The following ZNF423 variants were observed in gnomAD, a reference collection of about 807,000 sequenced individuals.
The protein encoded by ZNF423 is Ebf-associated zinc finger protein.
A neutral mutation model predicts 95.8 loss-of-function variants in ZNF423; 12 were observed. The ratio of observed to expected loss-of-function variants is 0.13; its 90% confidence interval spans 0.08 to 0.20. The LOEUF is 0.20. Among genes scored for constraint, ZNF423 ranks in the 10% least tolerant of loss-of-function variants. The pLI is 1.00. For synonymous variants in ZNF423, 749 were observed against 711.9 expected, an observed-to-expected ratio of 1.05 and a Z score of -0.83; for missense variants, 1,316 against 1,737.1, an observed-to-expected ratio of 0.76 and a Z score of 4.31.
chr16:49,729,220 ATAACT>A (rs375945955), intron 3 of ZNF423, among the ~76,000 whole-genome samples: 5 of 152,250 alleles, frequency 3.3e-5, no homozygotes, highest in Admixed American at 2.6e-4. Context: ...AATAAAGAGA[ATAACT>A]TTTCATTAGA....
At chr16:49,495,306 C>T (rs1188157809) in intron 7 of ZNF423, among the ~76,000 whole-genome samples, 1 of 152,150 alleles carries the variant, frequency 6.6e-6, no homozygotes, top group African/African-American at 2.4e-5. Flanking sequence ...CACACGGGGC[C>T]AGGGACACAA....
At chr16:49,531,250 T>A (rs1968833852) in intron 5 of ZNF423, among the ~76,000 whole-genome samples, 1 of 151,050 alleles carries the variant, frequency 6.6e-6, no homozygotes, top group African/African-American at 2.4e-5. Context: ...CAGACTGACA[T>A]TCCACAGCAC....
At chr16:49,657,552 A>C (rs1338604935) in intron 3 of ZNF423, among the ~76,000 whole-genome samples, 1 of 152,194 alleles carries the variant, frequency 6.6e-6, no homozygotes, top group Non-Finnish European at 1.5e-5. Context: ...AGGGGAGGTG[A>C]TGCCCCCAGG....
At chr16:49,716,821 A>G (rs1233473035) in intron 3 of ZNF423, among the ~76,000 whole-genome samples, 1 of 152,210 alleles carries the variant, frequency 6.6e-6, no homozygotes, top group Admixed American at 6.5e-5. Context: ...TGGAATCCGC[A>G]TTACGGGATG....
intron 3 of ZNF423, among the ~76,000 whole-genome samples, chr16:49,648,417 G>A (rs552928288): frequency 9.5e-5 from 14 of 147,424 alleles, no homozygotes; most frequent in Admixed American, 2.1e-4. Flanking sequence ...TGAGGCAGGC[G>A]GATCACCTGA....
At chr16:49,823,752 C>T (rs952914602) in intron 1 of ZNF423, among the ~76,000 whole-genome samples, 18 of 152,088 alleles carry the variant, frequency 1.2e-4, no homozygotes, top group Non-Finnish European at 2.2e-4. Context: ...CACACACATA[C>T]ACACTTGCAC....
chr16:49,596,429 C>T (rs565247182), intron 5 of ZNF423, among the ~76,000 whole-genome samples: 11 of 152,274 alleles, frequency 7.2e-5, no homozygotes, highest in African/African-American at 2.6e-4. Context: ...TATTTCCTCT[C>T]GAAGGCCTCA....
intron 5 of ZNF423, among the ~76,000 whole-genome samples, chr16:49,541,728 C>T (rs1969255458): frequency 6.6e-6 from 1 of 152,070 alleles, no homozygotes; most frequent in Admixed American, 6.6e-5. Flanking sequence ...GGCAGTTCCC[C>T]CCATGCTGTT....
intron 2 of ZNF423, among the ~76,000 whole-genome samples, chr16:49,781,526 C>A (rs558583909): frequency 6.6e-6 from 1 of 152,120 alleles, no homozygotes; most frequent in Non-Finnish European, 1.5e-5. Context: ...AGTGCAGAAG[C>A]GCAGGGGTGT....
intron 3 of ZNF423, chr16:49,708,334 C>T (rs2032427163): frequency 6.6e-6 from 1 of 152,094 alleles, no homozygotes; most frequent in East Asian, 1.9e-4. Context: ...CTTACTCTGC[C>T]CCCCTGGCTA....
chr16:49,730,448 A>C (rs1335913218), intron 3 of ZNF423: 2 of 380,438 alleles, frequency 5.3e-6, no homozygotes, highest in East Asian at 1.2e-4. Context: ...ACAACCTCTT[A>C]ATTACTGCGT....
At chr16:49,801,822 G>A (rs1276478674) in intron 1 of ZNF423, among the ~76,000 whole-genome samples, 1 of 152,126 alleles carries the variant, frequency 6.6e-6, no homozygotes, top group African/African-American at 2.4e-5. Context: ...CAAAAGTCAT[G>A]GAGCTAGGAT....
In ZNF423 at chr16:49,491,308, C is replaced by A. The variant is rs1233737344; in HGVS notation, c.3850-4G>T. 2 of 1,613,990 alleles carry A rather than the reference C, an allele frequency of 1.2e-6. No homozygotes were observed. The highest frequency in any genetic ancestry group is 2.2e-5 in the East Asian group (1 of 44,868). On this transcript the variant is annotated splice_region_variant and splice_polypyrimidine_tract_variant and intron_variant, in intron 7 of 7. Transcript: ENST00000563137. ...CGTGCTGGCTCATCGTGTGGTTCTG[C>A]AAAGGCGAAGAAAGGAGACACACAT...
Position 49,680,140 on chromosome 16 carries a change from C to A in ZNF423, c.302-41266G>T, listed in dbSNP as rs538452613. On this transcript the variant is annotated intron_variant, in intron 3 of 7. Transcript: ENST00000563137. ...ACTAGACACTCATGGGGACAACCTG[C>A]CTGAGGCAAGGAGCTACCCACTGCA... 3.9e-5 allele frequency among the ~76,000 whole-genome samples: 6 copies of A among 152,292 alleles called. No homozygotes were observed. In the South Asian group the frequency reaches 1.2e-3, roughly 32 times the overall value.
upstream of ZNF423, among the ~76,000 whole-genome samples, chr16:49,856,375 G>T (rs967299308): frequency 6.7e-6 from 1 of 148,964 alleles, no homozygotes; most frequent in Non-Finnish European, 1.5e-5. Context: ...GTATCTCAAG[G>T]GGGGAGGAGA....
chr16:49,672,953 A>G (rs1348711652), intron 3 of ZNF423, among the ~76,000 whole-genome samples: 1 of 152,222 alleles, frequency 6.6e-6, no homozygotes, highest in Non-Finnish European at 1.5e-5. Context: ...AGCCTCCACC[A>G]GGAGGCACTC....
chr16:49,851,751 T>C (rs894029629), intron 1 of ZNF423, among the ~76,000 whole-genome samples: 7 of 152,224 alleles, frequency 4.6e-5, no homozygotes, highest in Non-Finnish European at 1.0e-4. Flanking sequence ...CAGAGGCACA[T>C]AGTTATCTTA....
At position 49,822,707 on chromosome 16, in the gene ZNF423, G is replaced by A. The variant is rs191404471; in HGVS notation, c.40+33028C>T. 2.0e-5 allele frequency: 33 copies of A among 1,610,680 alleles called. 1 individual carries two copies. The highest frequency in any genetic ancestry group is 1.7e-4 in the Middle Eastern group (1 of 6,048). Reference sequence around the variant, plus strand: ...GCATCCATGTCTTTCTTCTTTTACAGGGTAAAATCCATCCTTCTCCAGGAA... The same window carrying A: ...GCATCCATGTCTTTCTTCTTTTACAAGGTAAAATCCATCCTTCTCCAGGAA... On this transcript the variant is annotated intron_variant, in intron 1 of 7. Coordinates refer to ENST00000563137, the MANE Select transcript of ZNF423 (RefSeq NM_001379286.1).
chr16:49,656,895 G>C (rs2029901177), intron 3 of ZNF423, among the ~76,000 whole-genome samples: 1 of 152,206 alleles, frequency 6.6e-6, no homozygotes, highest in South Asian at 2.1e-4. Context: ...GGCTTATAAA[G>C]GTTAATTGAC....
Sources: allele counts gnomAD v4.1 joint callset (sites outside exome capture counted in the v4.1 genomes callset), GRCh38; gene constraint gnomAD v4.1.1; transcripts MANE v1.5; gene names NCBI Gene and HGNC (gene_info 2026-07-23, HGNC 2026-07-21).